Variants in ADGRB1 observed in about 807,000 individuals in gnomAD.
ADGRB1 encodes the protein brain-specific angiogenesis inhibitor 1.
In ADGRB1, 36 loss-of-function variants were observed where a neutral mutation model predicts 175.7. That is an observed-to-expected ratio of 0.20 (90% CI 0.16 to 0.27). ADGRB1 has a LOEUF of 0.27. ADGRB1 is among the 10% of genes least tolerant of loss of function. The probability of loss-of-function intolerance (pLI) is 1.00; values close to 1 mark genes in which losing one functional copy is unlikely to be tolerated. For missense variants in ADGRB1, 1,731 were observed against 2,255.3 expected (o/e 0.77, Z 4.71); for synonymous variants, 1,054 against 979.4 (o/e 1.08, Z -1.42).
chr8:142,528,587 C>T (rs754158574), intron 24 of ADGRB1, among the ~76,000 whole-genome samples: 39 of 151,924 alleles, frequency 2.6e-4, no homozygotes, highest in Non-Finnish European at 3.5e-4. Flanking sequence ...TCAAGTGTGC[C>T]GAGTGTGGAG....
intron 17 of ADGRB1, among the ~76,000 whole-genome samples, chr8:142,503,310 G>A (rs1842710404): frequency 6.6e-6 from 1 of 152,036 alleles, no homozygotes; most frequent in Non-Finnish European, 1.5e-5. Context: ...GGCTGTAATG[G>A]GGGGAAGGTT....
At chr8:142,483,695 C>T (rs866305820) in intron 11 of ADGRB1, among the ~76,000 whole-genome samples, 52 of 83,356 alleles carry the variant, frequency 6.2e-4, no homozygotes, top group African/African-American at 3.8e-3. Context: ...TGACACTGCA[C>T]TGGTCACATG....
chr8:142,465,075 C>A, intron 2 of ADGRB1, 93 bp downstream of exon 2: 1 of 481,434 alleles, frequency 2.1e-6, no homozygotes, highest in South Asian at 4.2e-5. Context: ...GGGAAGTGGG[C>A]GGACAGAGGA....
intron 17 of ADGRB1, among the ~76,000 whole-genome samples, chr8:142,497,168 G>A (rs1842255741): frequency 6.6e-6 from 1 of 152,242 alleles, no homozygotes; most frequent in South Asian, 2.1e-4. Flanking sequence ...CAGATCCAGG[G>A]CCACCTCATG....
rs1840917780 is a variant in ADGRB1 at position 142,475,639 on chromosome 8, A to T, written c.946+4A>T. ...TGCAACCGCGAGGCCTGCGGCCGTG[A>T]GTGCGGGCGGGGCGGGGCGGAGCCG... is the stretch of plus-strand genomic sequence containing the variant. On this transcript the variant is annotated splice_donor_region_variant and intron_variant, in intron 3 of 30. Coordinates refer to ENST00000517894, the MANE Select transcript of ADGRB1 (RefSeq NM_001702.3). 3 of 1,174,922 alleles carry T rather than the reference A, an allele frequency of 2.6e-6. No homozygotes were observed. The allele number at this position is 1,174,922 out of a possible 1,614,324, so 72.8% of individuals were successfully genotyped here. A position where few individuals can be genotyped will look rare whatever the true frequency, so the allele number is the denominator to read the frequency against.
intron 2 of ADGRB1, 37 bp downstream of exon 2, chr8:142,465,019 G>C: frequency 8.1e-7 from 1 of 1,236,142 alleles, no homozygotes; most frequent in South Asian, 1.5e-5. Flanking sequence ...GACAGGGGAG[G>C]TGGGCAGACA....
At chr8:142,465,127 C>T (rs1055577908) in intron 2 of ADGRB1, 145 bp downstream of exon 2, 9 of 993,684 alleles carry the variant, frequency 9.1e-6, no homozygotes, top group Non-Finnish European at 1.3e-5. Context: ...GGGAGGTGGA[C>T]CGGGGTCTTC....
At chr8:142,452,786 C>T in intron 1 of ADGRB1, among the ~76,000 whole-genome samples, 1 of 151,892 alleles carries the variant, frequency 6.6e-6, no homozygotes, top group East Asian at 1.9e-4. Context: ...CCCGACCCCG[C>T]CTCCGGGAGT....
intron 22 of ADGRB1, 61 bp from the exon 23 acceptor site, chr8:142,524,177 C>A: frequency 6.5e-7 from 1 of 1,537,840 alleles, no homozygotes; most frequent in Non-Finnish European, 8.8e-7. Flanking sequence ...GAGAGGCCGG[C>A]AGCACCTCTC....
chr8:142,534,355 C>A (rs1014293886), intron 25 of ADGRB1, among the ~76,000 whole-genome samples: 1 of 152,204 alleles, frequency 6.6e-6, no homozygotes, highest in Admixed American at 6.5e-5. Flanking sequence ...TCTTGGCCTC[C>A]GCGGCCTGGG....
chr8:142,541,726 C>T (rs886447237), intron 27 of ADGRB1, among the ~76,000 whole-genome samples: 1 of 152,182 alleles, frequency 6.6e-6, no homozygotes, highest in African/African-American at 2.4e-5. Flanking sequence ...GCAGCCTCAT[C>T]TGAGGACACA....
chr8:142,478,167 G>T lies in ADGRB1; in HGVS notation c.1388-20G>T, dbSNP rs1841096341. ...GGTGCCGGGTGTTCACGCCCACTTT[G>T]TGTCTCCTTCCTCCCCCGGGCCGGG... is the stretch of plus-strand genomic sequence containing the variant. On this transcript the variant is annotated intron_variant, in intron 6 of 30. Coordinates refer to ENST00000517894, the MANE Select transcript of ADGRB1 (RefSeq NM_001702.3). The T allele has an allele frequency of 6.3e-7, 1 of 1,590,822 alleles. No individual in the cohort carries two copies. Among genetic ancestry groups the T allele is most frequent in the Non-Finnish European group, 8.6e-7 (1 of 1,169,380 alleles).
At chr8:142,526,747 G>A in intron 24 of ADGRB1, 120 bp downstream of exon 24, 1 of 1,020,728 alleles carries the variant, frequency 9.8e-7, no homozygotes, top group Non-Finnish European at 1.5e-6. Context: ...AGGGACCCCG[G>A]AGCGGGTGGG....
Position 142,455,166 on chromosome 8 carries a change from C to A in ADGRB1, c.-220+5062C>A, listed in dbSNP as rs1839595867. Reference sequence around the variant, plus strand: ...TACCTCAGCCGCACCCTGCCGCCGGCACCACACTGCACCATCATTCCTATC... The same window carrying A: ...TACCTCAGCCGCACCCTGCCGCCGGAACCACACTGCACCATCATTCCTATC... On this transcript the variant is annotated intron_variant, in intron 1 of 30. Transcript: ENST00000517894. The surrounding 1 kb of genome is among the most constrained non-coding windows in gnomAD (Gnocchi z 4.9). Among the ~76,000 whole-genome samples the A allele has an allele frequency of 6.7e-6, 1 of 150,054 alleles. No homozygotes were observed. Among genetic ancestry groups the A allele is most frequent in the Non-Finnish European group, 1.5e-5 (1 of 67,510 alleles).
rs142643997 is a variant in ADGRB1, at chr8:142,468,688, G to A, written c.784+3706G>A. On this transcript the variant is annotated intron_variant, in intron 2 of 30. Coordinates refer to ENST00000517894, the MANE Select transcript of ADGRB1 (RefSeq NM_001702.3). ...GCCAGGAAGTCTTCCCTAGAGACCCGCAGGGCTCCCGCCTTCCAGTCCTCA... is the reference window on the plus strand; with the variant it reads ...GCCAGGAAGTCTTCCCTAGAGACCCACAGGGCTCCCGCCTTCCAGTCCTCA... Among the ~76,000 whole-genome samples, 61 of 152,294 alleles carry A rather than the reference G, an allele frequency of 4.0e-4. 2 individuals carry two copies. The East Asian group carries it at 7.7e-3, about 19-fold the overall frequency.
chr8:142,536,302 C>G (rs936986677), intron 25 of ADGRB1, among the ~76,000 whole-genome samples: 1 of 152,082 alleles, frequency 6.6e-6, no homozygotes, highest in African/African-American at 2.4e-5. Context: ...GGCTGCTGGC[C>G]CCACGGGAGG....
rs552516371 is a variant in ADGRB1, at chr8:142,505,032, C to T, written c.2676-5900C>T. Among the ~76,000 whole-genome samples the T allele has an allele frequency of 1.2e-3, 136 of 113,228 alleles. 1 individual carries two copies. The highest frequency in any genetic ancestry group is 4.5e-3 in the African/African-American group (130 of 29,176). The allele number at this position is 113,228 out of a possible 152,430, so 74.3% of individuals were successfully genotyped here. Reference sequence around the variant, plus strand: ...TGCTTCGTGGGCCGGCAGGAGGCATCGTGAATGCAGTGAAGGCTCTGGCTT... The same window carrying T: ...TGCTTCGTGGGCCGGCAGGAGGCATTGTGAATGCAGTGAAGGCTCTGGCTT... On this transcript the variant is annotated intron_variant, in intron 17 of 30. Transcript: ENST00000517894.
chr8:142,477,306 G>T (rs575971439), intron 5 of ADGRB1, 28 bp downstream of exon 5: 102 of 1,588,088 alleles, frequency 6.4e-5, no homozygotes, highest in Non-Finnish European at 7.9e-5. Flanking sequence ...CTGGGGCAGC[G>T]GACAGCCAGG....
At chr8:142,500,485 A>G (rs1234550554) in intron 17 of ADGRB1, among the ~76,000 whole-genome samples, 1 of 148,738 alleles carries the variant, frequency 6.7e-6, no homozygotes, top group Admixed American at 6.6e-5. Context: ...GGGCGAGGGC[A>G]TGTGGAGGGG....
Sources: allele counts gnomAD v4.1 joint callset (sites outside exome capture counted in the v4.1 genomes callset), GRCh38; gene constraint gnomAD v4.1.1; non-coding constraint Gnocchi (gnomAD v3.1); transcripts MANE v1.5; gene names NCBI Gene and HGNC (gene_info 2026-07-23, HGNC 2026-07-21).